SLC35H1: variants seen among roughly 807,000 people sequenced by gnomAD.
The protein encoded by SLC35H1 is ovarian cancer-overexpressed gene 1 protein.
At chr20:46,350,485 C>T in the SLC35H1 span, 15 of 1,612,964 alleles carry the variant, frequency 9.3e-6, no homozygotes, top group Non-Finnish European at 1.3e-5. Flanking sequence ...CAGGTCGGGG[C>T]TGGAGCCCAG....
the SLC35H1 span, among the ~76,000 whole-genome samples, chr20:46,357,444 G>A: frequency 2.0e-5 from 3 of 152,226 alleles, no homozygotes; most frequent in Admixed American, 6.5e-5. Flanking sequence ...GGGAAGGCAC[G>A]CAGTGCACAA....
chr20:46,353,788 G>A, the SLC35H1 span, among the ~76,000 whole-genome samples: 246 of 152,164 alleles, frequency 1.6e-3, 1 homozygote, highest in African/African-American at 5.3e-3. Context: ...GTAAACACAC[G>A]GGAGGGGAGG....
chr20:46,363,452 G>T, the SLC35H1 span, among the ~76,000 whole-genome samples: 1 of 152,092 alleles, frequency 6.6e-6, no homozygotes, highest in Non-Finnish European at 1.5e-5. Flanking sequence ...TATTTCTCAC[G>T]CTCCCAATCT....
At chr20:46,350,410 G>A in the SLC35H1 span, 62 of 1,612,328 alleles carry the variant, frequency 3.8e-5, no homozygotes, top group Non-Finnish European at 4.6e-5. Flanking sequence ...CTGCCCCTGG[G>A]CCACAAAGTA....
chr20:46,359,223 A>C, the SLC35H1 span, among the ~76,000 whole-genome samples: 1 of 152,028 alleles, frequency 6.6e-6, no homozygotes, highest in Non-Finnish European at 1.5e-5. Flanking sequence ...CATCAATCCT[A>C]CCTATCTTCA....
At chr20:46,356,780 C>G in the SLC35H1 span, 1 of 718,534 alleles carries the variant, frequency 1.4e-6, no homozygotes, top group Non-Finnish European at 2.4e-6. Flanking sequence ...TCTTTTCCAC[C>G]AGCAACTAAA....
the SLC35H1 span, chr20:46,358,614 A>T: frequency 6.3e-7 from 1 of 1,580,492 alleles, no homozygotes; most frequent in Non-Finnish European, 8.6e-7. Context: ...TTTCACCAAG[A>T]ACGTCTCCAG....
At chr20:46,350,841 C>T in the SLC35H1 span, 1 of 1,614,052 alleles carries the variant, frequency 6.2e-7, no homozygotes, top group Non-Finnish European at 8.5e-7. Flanking sequence ...GTTCAGGAGG[C>T]TGATCTGATC....
chr20:46,348,360 C>A, the SLC35H1 span: 1 of 152,388 alleles, frequency 6.6e-6, no homozygotes, highest in East Asian at 1.9e-4. Context: ...AGGAAGCTCT[C>A]ATCCACCTGA....
chr20:46,362,868 G>A, the SLC35H1 span, among the ~76,000 whole-genome samples: 1 of 152,236 alleles, frequency 6.6e-6, no homozygotes, highest in Non-Finnish European at 1.5e-5. Flanking sequence ...ACGGGTTCAA[G>A]TGATTCTCCC....
At chr20:46,355,072 CCGAG>C in the SLC35H1 span, 1 of 1,614,066 alleles carries the variant, frequency 6.2e-7, no homozygotes, top group Non-Finnish European at 8.5e-7. The surrounding 1 kb of genome is among the most constrained non-coding windows in gnomAD (Gnocchi z 4.8). Context: ...CACGTGCTCA[CCGAG>C]TTCAGCCTTC....
chr20:46,353,481 T>A, the SLC35H1 span, among the ~76,000 whole-genome samples: 2 of 152,200 alleles, frequency 1.3e-5, no homozygotes, highest in African/African-American at 4.8e-5. Flanking sequence ...CTGTGGTAGC[T>A]GGAAGCTGGA....
At chr20:46,364,184 C>G in the SLC35H1 span, 1 of 152,426 alleles carries the variant, frequency 6.6e-6, no homozygotes, top group East Asian at 1.9e-4. Flanking sequence ...AGGTGCCTTG[C>G]AGGAGGGCGC....
the SLC35H1 span, among the ~76,000 whole-genome samples, chr20:46,358,128 G>A: frequency 2.0e-5 from 3 of 152,176 alleles, no homozygotes; most frequent in Admixed American, 2.0e-4. Context: ...CTCTAGTGGG[G>A]TAAATAGCTG....
At chr20:46,361,437 T>C in the SLC35H1 span, among the ~76,000 whole-genome samples, 7 of 152,292 alleles carry the variant, frequency 4.6e-5, no homozygotes, top group Non-Finnish European at 1.5e-5. Context: ...TACACGGTTC[T>C]CTCTACTTCT....
the SLC35H1 span, chr20:46,358,497 AC>A: frequency 1.6e-4 from 251 of 1,613,892 alleles, no homozygotes; most frequent in Non-Finnish European, 2.0e-4. Flanking sequence ...TCGAGGGCCC[AC>A]CTCCCCATTC....
At chr20:46,357,886 A>T in the SLC35H1 span, 1 of 1,186,954 alleles carries the variant, frequency 8.4e-7, no homozygotes, top group African/African-American at 1.5e-5. Flanking sequence ...GTGGTTCATG[A>T]GGACCTTGCT....
the SLC35H1 span, among the ~76,000 whole-genome samples, chr20:46,353,437 T>G: frequency 6.6e-6 from 1 of 151,768 alleles, no homozygotes. Context: ...TAGCACAGGG[T>G]GAAGGGGGGC....
At chr20:46,350,286 C>T in the SLC35H1 span, 1 of 1,396,878 alleles carries the variant, frequency 7.2e-7, no homozygotes, top group East Asian at 2.3e-5. Flanking sequence ...CCTGGTGACT[C>T]CCGTCCACAG....
Sources: gnomAD v4.1 joint callset for allele counts (sites outside exome capture counted in the v4.1 genomes callset) on GRCh38, gnomAD v4.1.1 for gene constraint, Gnocchi (gnomAD v3.1) non-coding constraint, MANE v1.5 for transcripts, NCBI Gene and HGNC (gene_info 2026-07-23, HGNC 2026-07-21) for gene names.